Variants in GALNTL6 observed in about 807,000 individuals in gnomAD.
GALNTL6 encodes polypeptide N-acetylgalactosaminyltransferase like 6.
A neutral mutation model predicts 73.7 loss-of-function variants in GALNTL6; 46 were observed. The ratio of observed to expected loss-of-function variants is 0.62; its 90% CI spans 0.49 to 0.80. GALNTL6 has a LOEUF of 0.80. GALNTL6 is among the 30% of genes least tolerant of loss of function. The probability of loss-of-function intolerance (pLI) is 0.00; values close to 1 mark genes in which losing one functional copy is unlikely to be tolerated. For missense variants in GALNTL6, 604 were observed against 755.0 expected, an observed-to-expected ratio of 0.80 and a Z score of 2.34; for synonymous variants, 259 against 263.7, an observed-to-expected ratio of 0.98 and a Z score of 0.17.
At chr4:172,933,073 T>G (rs1473978674) in intron 9 of GALNTL6, among the ~76,000 whole-genome samples, 1 of 152,158 alleles carries the variant, frequency 6.6e-6, no homozygotes, top group African/African-American at 2.4e-5. Flanking sequence ...TCATAAGACT[T>G]AAGACATATG....
At chr4:172,692,343 A>G (rs2111261804) in intron 5 of GALNTL6, among the ~76,000 whole-genome samples, 1 of 151,994 alleles carries the variant, frequency 6.6e-6, no homozygotes, top group Admixed American at 6.5e-5. Flanking sequence ...TACATTCTAG[A>G]TTTTTTTTAG....
At chr4:172,187,202 TC>T (rs1735441082) in intron 2 of GALNTL6, among the ~76,000 whole-genome samples, 1 of 152,148 alleles carries the variant, frequency 6.6e-6, no homozygotes, top group Admixed American at 6.5e-5. Flanking sequence ...TTTCTATTTT[TC>T]TATCATGGTA....
At chr4:172,394,268 C>G (rs1446490745) in intron 5 of GALNTL6, among the ~76,000 whole-genome samples, 2 of 151,838 alleles carry the variant, frequency 1.3e-5, no homozygotes, top group African/African-American at 2.4e-5. Context: ...AAACATATAA[C>G]AAAAGTGAAT....
rs534429663 is a variant in GALNTL6, at chr4:172,344,707, C to T, written c.387-3816C>T. 5.3e-5 allele frequency among the ~76,000 whole-genome samples: 8 copies of T among 152,296 alleles called. No homozygotes were observed. In the South Asian group the frequency reaches 6.2e-4, roughly 12 times the overall value. Reference sequence around the variant, plus strand: ...CAATGTACAGACTCATTGATAAAGACGTCCTTAATTCTATCAGACAAAGTT... The same window carrying T: ...CAATGTACAGACTCATTGATAAAGATGTCCTTAATTCTATCAGACAAAGTT... On this transcript the variant is annotated intron_variant, in intron 4 of 12. Coordinates refer to ENST00000506823, the MANE Select transcript of GALNTL6 (RefSeq NM_001034845.3).
rs558748930 is a variant in GALNTL6 at position 171,913,436 on chromosome 4, A to T, written c.138+98718A>T. ...AACTGTATGAATATTATTGCCACCC[A>T]CAGCTGGATTCCCTTTATTTTACAA... is the stretch of plus-strand genomic sequence containing the variant. On this transcript the variant is annotated intron_variant, in intron 2 of 12. Transcript: ENST00000506823. Among the ~76,000 whole-genome samples, 16 of 152,336 alleles carry T rather than the reference A, an allele frequency of 1.1e-4. No homozygotes were observed. In the South Asian group the frequency reaches 3.3e-3, roughly 32 times the overall value.
intron 2 of GALNTL6, among the ~76,000 whole-genome samples, chr4:171,905,091 G>A (rs1737231880): frequency 3.3e-5 from 5 of 152,048 alleles, no homozygotes; most frequent in Admixed American, 3.3e-4. Flanking sequence ...ATCAACTAAT[G>A]AGCAAAATAA....
chr4:172,867,716 C>T (rs919629513), intron 7 of GALNTL6, among the ~76,000 whole-genome samples: 1 of 152,194 alleles, frequency 6.6e-6, no homozygotes, highest in Non-Finnish European at 1.5e-5. Flanking sequence ...CCAGACCTCC[C>T]TATCTTTGTA....
intron 8 of GALNTL6, among the ~76,000 whole-genome samples, chr4:172,925,278 T>C (rs1015497945): frequency 1.9e-4 from 29 of 151,960 alleles, no homozygotes; most frequent in African/African-American, 5.8e-4. Flanking sequence ...ATTTAAAAAG[T>C]CTGCCCAGAA....
intron 5 of GALNTL6, among the ~76,000 whole-genome samples, chr4:172,704,906 C>T (rs1734237584): frequency 6.6e-6 from 1 of 151,812 alleles, no homozygotes; most frequent in African/African-American, 2.4e-5. Context: ...TATCTTCTTG[C>T]CAAGTTGACT....
At chr4:172,313,583 A>G (rs1328113452) in intron 4 of GALNTL6, among the ~76,000 whole-genome samples, 2 of 152,200 alleles carry the variant, frequency 1.3e-5, no homozygotes, top group African/African-American at 2.4e-5. Flanking sequence ...TTAAGAAAAG[A>G]TCTTATGTAA....
chr4:172,367,196 G>A (rs61136358), intron 5 of GALNTL6, among the ~76,000 whole-genome samples: 3 of 152,102 alleles, frequency 2.0e-5, no homozygotes, highest in South Asian at 2.1e-4. Flanking sequence ...GGCATCACGC[G>A]TTTTGATCTC....
intron 2 of GALNTL6, among the ~76,000 whole-genome samples, chr4:171,873,221 C>T (rs6821041): frequency 0.019 from 2,832 of 152,216 alleles, 84 homozygotes; most frequent in African/African-American, 0.064. Context: ...CCAGAAGAAA[C>T]AACATATTGG....
In GALNTL6 at chr4:172,817,470, A is replaced by G. The variant is rs149258041; in HGVS notation, c.923+3747A>G. Among the ~76,000 whole-genome samples, 434 of 152,178 alleles carry G rather than the reference A, an allele frequency of 2.9e-3. 4 individuals are homozygous for G. Among genetic ancestry groups the G allele is most frequent in the African/African-American group, 9.8e-3 (409 of 41,562 alleles). Reference sequence around the variant, plus strand: ...TAAACAAGAAATATTTTGGGTTATTATTAAGGAAGAAACCAGAATGTTCCC... The same window carrying G: ...TAAACAAGAAATATTTTGGGTTATTGTTAAGGAAGAAACCAGAATGTTCCC... On this transcript the variant is annotated intron_variant, in intron 7 of 12. Transcript: ENST00000506823.
intron 2 of GALNTL6, among the ~76,000 whole-genome samples, chr4:171,963,146 A>G (rs536790419): frequency 3.2e-4 from 48 of 151,812 alleles, no homozygotes; most frequent in African/African-American, 1.1e-3. Flanking sequence ...ACTGTGCTCT[A>G]ATTTATAGGA....
chr4:172,001,973 C>G (rs972197267), intron 2 of GALNTL6, among the ~76,000 whole-genome samples: 1 of 152,134 alleles, frequency 6.6e-6, no homozygotes, highest in Non-Finnish European at 1.5e-5. Flanking sequence ...CTAACTGCAA[C>G]AGACACATTT....
chr4:171,947,669 G>C (rs62326316), intron 2 of GALNTL6, among the ~76,000 whole-genome samples: 35,812 of 152,000 alleles, frequency 0.24, 4,462 homozygotes, highest in Middle Eastern at 0.33. Context: ...AAGACTAATA[G>C]TAGATTCAGG....
chr4:172,088,881 T>C (rs1732120814), intron 2 of GALNTL6, among the ~76,000 whole-genome samples: 1 of 152,136 alleles, frequency 6.6e-6, no homozygotes, highest in African/African-American at 2.4e-5. Flanking sequence ...CTGAGTGAAA[T>C]AGTCTCGTTT....
chr4:172,373,184 A>T (rs760192088), intron 5 of GALNTL6, among the ~76,000 whole-genome samples: 9 of 152,202 alleles, frequency 5.9e-5, no homozygotes, highest in Admixed American at 1.3e-4. Flanking sequence ...CCTTGGGGCA[A>T]GACTGTGCAC....
intron 8 of GALNTL6, among the ~76,000 whole-genome samples, chr4:172,929,213 C>A (rs1178580061): frequency 6.6e-6 from 1 of 152,192 alleles, no homozygotes; most frequent in Non-Finnish European, 1.5e-5. Context: ...AACTCAATTA[C>A]AGCAACTGAA....
Sources: gnomAD v4.1 joint callset for allele counts (sites outside exome capture counted in the v4.1 genomes callset) on GRCh38, gnomAD v4.1.1 for gene constraint, MANE v1.5 for transcripts, NCBI Gene and HGNC (gene_info 2026-07-23, HGNC 2026-07-21) for gene names.